ANOS1: variants seen among roughly 807,000 people sequenced by gnomAD.
ANOS1 encodes the protein anosmin 1.
ANOS1 carries 6 observed loss-of-function variants against 59.0 expected under a neutral mutation model. That is an observed-to-expected ratio of 0.10 (90% confidence interval 0.06 to 0.20). The LOEUF (loss-of-function observed/expected upper bound fraction) is 0.20, where lower values mean the gene tolerates loss of function less well. ANOS1 is among the 10% of genes least tolerant of loss of function. The pLI is 1.00. For missense variants in ANOS1, 433 were observed against 542.3 expected, an observed-to-expected ratio of 0.80 and a Z score of 2.00; for synonymous variants, 217 against 223.4, an observed-to-expected ratio of 0.97 and a Z score of 0.25.
intron 2 of ANOS1, among the ~76,000 whole-genome samples, chrX:8,656,941 G>A (rs1208612364): frequency 8.9e-6 from 1 of 111,849 alleles, no homozygotes; most frequent in Non-Finnish European, 1.9e-5. Flanking sequence ...GATGTCCTGA[G>A]TGGTAGGTGT....
At position 8,536,759 on chromosome X, in the gene ANOS1, G is replaced by T. The variant is rs1474905588; in HGVS notation, c.1621+12C>A. On this transcript the variant is annotated intron_variant, in intron 11 of 13. Transcript: ENST00000262648. ...AGACCTAGATGTAGAAGTCCTTCAG[G>T]TGAAAACGTACCTGCTTCGCCCAGG... 10 of 1,194,818 alleles carry T rather than the reference G, an allele frequency of 8.4e-6. No individual in the cohort carries two copies. Among genetic ancestry groups the T allele is most frequent in the Non-Finnish European group, 1.1e-5 (10 of 882,957 alleles).
intron 9 of ANOS1, among the ~76,000 whole-genome samples, chrX:8,541,362 C>A: frequency 9.8e-6 from 1 of 102,143 alleles, no homozygotes; most frequent in African/African-American, 3.6e-5. Context: ...GAGATCACGC[C>A]ACTGCACTCC....
chrX:8,550,802 C>A (rs1411717675), intron 9 of ANOS1, among the ~76,000 whole-genome samples: 1 of 110,007 alleles, frequency 9.1e-6, no homozygotes, highest in Non-Finnish European at 1.9e-5. Context: ...AACACTGACC[C>A]TCTACAACAA....
intron 1 of ANOS1, among the ~76,000 whole-genome samples, chrX:8,713,844 C>T (rs1368681821): frequency 9.0e-6 from 1 of 110,877 alleles, no homozygotes; most frequent in South Asian, 3.9e-4. Context: ...AACTCCTGAC[C>T]TCAGGTGATC....
chrX:8,570,774 C>T, intron 6 of ANOS1, 70 bp from the exon 7 acceptor site: 1 of 970,056 alleles, frequency 1.0e-6, no homozygotes, highest in Non-Finnish European at 1.5e-6. Context: ...GTAATGACTA[C>T]ATGGTCAACA....
chrX:8,636,373 C>T (rs750532203), intron 2 of ANOS1, among the ~76,000 whole-genome samples: 89 of 111,906 alleles, frequency 8.0e-4, no homozygotes, highest in Non-Finnish European at 1.2e-3. Context: ...TTAAATCTCA[C>T]AGAGCTACTT....
intron 6 of ANOS1, among the ~76,000 whole-genome samples, chrX:8,576,467 T>TACACACACACAC (rs772802620): frequency 1.0e-5 from 1 of 100,044 alleles, no homozygotes; most frequent in African/African-American, 3.7e-5. Context: ...TATATATATA[T>TACACACACACAC]ACACACACAC....
chrX:8,541,417 C>A lies in ANOS1; in HGVS notation c.1355-1659G>T, dbSNP rs36010532. Among the ~76,000 whole-genome samples, 33 of 99,128 alleles carry A rather than the reference C, an allele frequency of 3.3e-4. 1 individual carries two copies. The highest frequency in any genetic ancestry group is 9.7e-4 in the South Asian group (2 of 2,071). The allele number at this position is 99,128 out of a possible 115,157, so 86.1% of individuals were successfully genotyped here. ...AAACTCCGTCTCCCACCACCCCCCC[C>A]CCAAAAACAAAAAAACAAAAAAATA... On this transcript the variant is annotated intron_variant, in intron 9 of 13. Transcript: ENST00000262648.
intron 2 of ANOS1, among the ~76,000 whole-genome samples, chrX:8,681,355 A>C (rs5978941): frequency 0.51 from 56,123 of 110,608 alleles, 10,997 homozygotes; most frequent in African/African-American, 0.72. Context: ...ATTTACCTAG[A>C]TATTTTATAT....
chrX:8,535,880 A>G, intron 11 of ANOS1, 69 bp from the exon 12 acceptor site: 1 of 875,873 alleles, frequency 1.1e-6, no homozygotes. Context: ...GATCCATTGT[A>G]GGAATTTTCA....
Position 8,695,700 on chromosome X carries a change from A to G in ANOS1, c.255+3998T>C, listed in dbSNP as rs958210975. 2.0e-4 allele frequency among the ~76,000 whole-genome samples: 16 copies of G among 78,450 alleles called. No individual in the cohort carries two copies. The East Asian group carries it at 3.0e-3, about 15-fold the overall frequency. 68.1% of individuals were successfully genotyped at this position (78,450 alleles called of 115,157 possible). On this transcript the variant is annotated intron_variant, in intron 2 of 13. Coordinates refer to ENST00000262648, the MANE Select transcript of ANOS1 (RefSeq NM_000216.4). ...CTATTCACAGTAGCTATAAGGGTGG[A>G]AAAAAAAAAAAAAAAAAAACCTAGT...
chrX:8,731,324 T>C (rs1932974587), intron 1 of ANOS1, among the ~76,000 whole-genome samples: 1 of 111,548 alleles, frequency 9.0e-6, no homozygotes, highest in Non-Finnish European at 1.9e-5. Context: ...CTCTGAGCCC[T>C]CAGAGAGTGA....
At chrX:8,559,384 G>A (rs1361480735) in intron 8 of ANOS1, among the ~76,000 whole-genome samples, 1 of 110,823 alleles carries the variant, frequency 9.0e-6, no homozygotes, top group East Asian at 2.8e-4. Context: ...ACACATATTC[G>A]TTGCAACGTA....
intron 2 of ANOS1, among the ~76,000 whole-genome samples, chrX:8,680,369 T>C (rs1393125937): frequency 9.0e-6 from 1 of 110,555 alleles, no homozygotes; most frequent in Non-Finnish European, 1.9e-5. Context: ...AAAATGTTAC[T>C]TTTATAATAA....
intron 2 of ANOS1, among the ~76,000 whole-genome samples, chrX:8,686,723 G>A (rs866397744): frequency 9.0e-6 from 1 of 111,695 alleles, no homozygotes; most frequent in Admixed American, 9.5e-5. Flanking sequence ...GGGCCAAGGT[G>A]GGCAGATCAC....
intron 2 of ANOS1, among the ~76,000 whole-genome samples, chrX:8,658,409 G>A (rs1347304675): frequency 1.8e-5 from 2 of 112,034 alleles, no homozygotes; most frequent in African/African-American, 6.5e-5. Flanking sequence ...TTTTCAAGCT[G>A]TTAAAATTTC....
chrX:8,542,655 AC>A (rs1277332675), intron 9 of ANOS1, among the ~76,000 whole-genome samples: 1 of 109,907 alleles, frequency 9.1e-6, no homozygotes, highest in African/African-American at 3.3e-5. Context: ...TATTTTCATG[AC>A]TTTTCAGGTT....
chrX:8,700,495 C>T, intron 1 of ANOS1, among the ~76,000 whole-genome samples: 1 of 111,765 alleles, frequency 8.9e-6, no homozygotes, highest in Non-Finnish European at 1.9e-5. Context: ...CCTGTCCTTC[C>T]AATTTGACAT....
chrX:8,668,426 T>TACACAC (rs1453290696), intron 2 of ANOS1, among the ~76,000 whole-genome samples: 4 of 81,850 alleles, frequency 4.9e-5, no homozygotes, highest in Non-Finnish European at 9.2e-5. Flanking sequence ...TATATATATA[T>TACACAC]ATATACACAC....
Sources: allele counts gnomAD v4.1 joint callset (sites outside exome capture counted in the v4.1 genomes callset), GRCh38; gene constraint gnomAD v4.1.1; transcripts MANE v1.5; gene names NCBI Gene and HGNC (gene_info 2026-07-23, HGNC 2026-07-21).